Variants in AP3M2 observed in about 807,000 individuals in gnomAD.
AP3M2 encodes AP-3 complex subunit mu-2.
In AP3M2, 28 loss-of-function variants were observed where a neutral mutation model predicts 41.6. The observed-to-expected ratio is 0.67, with a 90% confidence interval of 0.50 to 0.92. The LOEUF (loss-of-function observed/expected upper bound fraction) is 0.92, where lower values mean the gene tolerates loss of function less well. Among genes scored for constraint, AP3M2 ranks in the 40% least tolerant of loss-of-function variants. The pLI is 0.00. For synonymous variants in AP3M2, 193 were observed against 186.4 expected, an observed-to-expected ratio of 1.04 and a Z score of -0.29; for missense variants, 427 against 521.4, an observed-to-expected ratio of 0.82 and a Z score of 1.76.
intron 4 of AP3M2, among the ~76,000 whole-genome samples, chr8:42,163,581 G>T (rs1221843996): frequency 6.6e-6 from 1 of 152,156 alleles, no homozygotes; most frequent in Non-Finnish European, 1.5e-5. Flanking sequence ...AAGATGTGTG[G>T]ATTTGGGAGC....
intron 5 of AP3M2, 60 bp downstream of exon 5, chr8:42,165,216 A>G: frequency 6.4e-7 from 1 of 1,552,430 alleles, no homozygotes; most frequent in Non-Finnish European, 8.9e-7. Flanking sequence ...TGCTGGAAAG[A>G]CAGAGTAGTG....
chr8:42,154,847 C>G lies in AP3M2; in HGVS notation c.160C>G (p.His54Asp). The change falls in exon 2 of 9, where the codon CAC (histidine) becomes GAC (aspartate). Residue 54 changes from histidine (H) to aspartate (D), a missense_variant. His to Asp is a moderately conservative substitution (Grantham distance 81). Transcript: ENST00000396926. ...GCCTCCGGTTATCCCTACCCCTCAC[C>G]ACTATCTCTTAAGTGTTTACCGCCA... ...NVPPVIPTPH[H>D]YLLSVYRHKI... 1 of 1,614,110 alleles carries G rather than the reference C, an allele frequency of 6.2e-7. No homozygotes were observed. Among genetic ancestry groups the G allele is most frequent in the Non-Finnish European group, 8.5e-7 (1 of 1,180,032 alleles).
rs1804679281 is a variant in AP3M2 at position 42,167,721 on chromosome 8, G to A, written c.1067G>A (p.Gly356Glu). ...CCACAAAAGCTACCAAGTTTGAAGGGGACCATGAGTCTTCAGGCTGGAGCT... is the reference window on the plus strand; with the variant it reads ...CCACAAAAGCTACCAAGTTTGAAGGAGACCATGAGTCTTCAGGCTGGAGCT... ...INPQKLPSLK[G>E]TMSLQAGASK... Residue 356 changes from glycine to glutamate, a missense_variant, in exon 8 of 9, where the codon GGG becomes GAG. By Grantham distance (98) the Gly-to-Glu change is moderately conservative. Transcript: ENST00000396926. The A allele has an allele frequency of 6.2e-7, 1 of 1,613,828 alleles. No individual in the cohort carries two copies. Among genetic ancestry groups the A allele is most frequent in the African/African-American group, 1.3e-5 (1 of 74,860 alleles).
At position 42,165,105 on chromosome 8, in the gene AP3M2, T is replaced by C. The variant is rs368506487; in HGVS notation, c.618T>C (p.Ile206=). The change falls in exon 5 of 9, where the codon ATT becomes ATC. Residue 206 remains isoleucine, a synonymous_variant. Transcript: ENST00000396926. ...STITAEIQGV[I]DACVKLTGMP... ...TTACTGCTGAGATCCAGGGGGTGAT[T>C]GATGCCTGTGTCAAGCTGACTGGCA... 1.9e-6 allele frequency: 3 copies of C among 1,613,974 alleles called. No homozygotes were observed. The highest frequency in any genetic ancestry group is 1.7e-6 in the Non-Finnish European group (2 of 1,180,018).
chr8:42,161,662 G>A (rs752811611), intron 3 of AP3M2, among the ~76,000 whole-genome samples: 3 of 151,940 alleles, frequency 2.0e-5, no homozygotes, highest in African/African-American at 4.8e-5. Flanking sequence ...ATGGAAGAAG[G>A]AAATAGAATT....
At position 42,162,299 on chromosome 8, in the gene AP3M2, A is replaced by G. The variant is rs749635016; in HGVS notation, c.464A>G (p.Asp155Gly). The part of the protein sequence containing the change: ...NTITGSTNVG[D>G]QLPTGQLSVV... ...GCCTCAGGAAGCACGAATGTGGGTGACCAGCTTCCCACTGGGCAGCTGTCA... is the reference window on the plus strand; with the variant it reads ...GCCTCAGGAAGCACGAATGTGGGTGGCCAGCTTCCCACTGGGCAGCTGTCA... The change falls in exon 4 of 9, where the codon GAC (aspartate) becomes GGC (glycine). Residue 155 changes from aspartate (D) to glycine (G), a missense_variant. This residue lies in a region of AP3M2 where 86 missense variants were observed against 142.6 expected (regional missense o/e 0.60). Transcript: ENST00000396926. 1.9e-6 allele frequency: 3 copies of G among 1,612,134 alleles called. No individual in the cohort carries two copies. The East Asian group carries it at 6.7e-5, about 36-fold the overall frequency.
At chr8:42,168,500 A>G (rs1423535504) in intron 8 of AP3M2, among the ~76,000 whole-genome samples, 3 of 152,350 alleles carry the variant, frequency 2.0e-5, no homozygotes, top group African/African-American at 7.2e-5. Flanking sequence ...CAATCTTAAA[A>G]CAATAAACTA....
chr8:42,170,405 A>G lies in AP3M2; in HGVS notation c.*1344A>G, dbSNP rs1221372774. The stretch of plus-strand genomic sequence containing the variant: ...ACCCAGTTTAAGAAACATGGCAACT[A>G]AAGGGATACCTCAGGCTTTCTTTCC... On this transcript the variant is annotated 3_prime_UTR_variant, in exon 9 of 9. Transcript: ENST00000396926. 1 of 152,192 alleles carries G rather than the reference A, an allele frequency of 6.6e-6. No homozygotes were observed. Among genetic ancestry groups the G allele is most frequent in the African/African-American group, 2.4e-5 (1 of 41,438 alleles). The allele number at this position is 152,192 out of a possible 1,614,324, so 9.4% of individuals were successfully genotyped here.
chr8:42,155,153 A>G (rs1288604101), intron 2 of AP3M2, among the ~76,000 whole-genome samples, 193 bp downstream of exon 2: 1 of 152,214 alleles, frequency 6.6e-6, no homozygotes, highest in Non-Finnish European at 1.5e-5. Context: ...GACAAATGGA[A>G]TACTTTTGAA....
chr8:42,154,733 C>T lies in AP3M2; in HGVS notation c.46C>T (p.Leu16=), dbSNP rs1395267367. 1 of 1,614,166 alleles carries T rather than the reference C, an allele frequency of 6.2e-7. No homozygotes were observed. The highest frequency in any genetic ancestry group is 8.5e-7 in the Non-Finnish European group (1 of 1,180,044). The change falls in exon 2 of 9, where the codon CTG becomes TTG. Residue 16 remains leucine (L), a synonymous_variant. Transcript: ENST00000396926. ...FLINSSGDIF[L]EKHWKSVVSR... is the part of the protein sequence containing the mutation. ...GATCAACTCCTCTGGAGACATTTTC[C>T]TGGAGAAACATTGGAAAAGTGTGGT...
At chr8:42,167,645 C>T (rs1210514607) in intron 7 of AP3M2, 21 bp from the exon 8 acceptor site, 6 of 1,596,692 alleles carry the variant, frequency 3.8e-6, no homozygotes, top group Admixed American at 1.8e-5. Context: ...GACCACTTCT[C>T]CATTTTTATT....
At chr8:42,166,111 G>A (rs1319462011) in intron 6 of AP3M2, among the ~76,000 whole-genome samples, 2 of 152,186 alleles carry the variant, frequency 1.3e-5, no homozygotes, top group Non-Finnish European at 2.9e-5. Flanking sequence ...AATCATTTGG[G>A]AAAATATCTG....
chr8:42,153,787 C>T (rs1157230442), intron 1 of AP3M2: 3 of 152,086 alleles, frequency 2.0e-5, no homozygotes. Context: ...AGGCGGGAGC[C>T]CCAAGGGATC....
In AP3M2 at chr8:42,169,094, A is replaced by G. The variant is rs767247450; in HGVS notation, c.*33A>G. The G allele has an allele frequency of 7.2e-6, 11 of 1,534,448 alleles. No individual in the cohort carries two copies. Among genetic ancestry groups the G allele is most frequent in the Non-Finnish European group, 9.8e-6 (11 of 1,121,434 alleles). On this transcript the variant is annotated 3_prime_UTR_variant, in exon 9 of 9. Coordinates refer to ENST00000396926, the MANE Select transcript of AP3M2 (RefSeq NM_006803.4). Reference sequence around the variant, plus strand: ...ATTTGCTGAGGGAATAGTCTTGCACATTTTTTCATTTCTTACTTGTCTAAA... The same window carrying G: ...ATTTGCTGAGGGAATAGTCTTGCACGTTTTTTCATTTCTTACTTGTCTAAA...
chr8:42,165,409 C>T lies in AP3M2; in HGVS notation c.670-18C>T. 1 of 1,611,966 alleles carries T rather than the reference C, an allele frequency of 6.2e-7. No individual in the cohort carries two copies. The highest frequency in any genetic ancestry group is 2.2e-5 in the East Asian group (1 of 44,866). ...GTTTAATGCCCACTTCTTGCTTCTC[C>T]TCTCCTGATGACTGTAGAACCCTAG... On this transcript the variant is annotated intron_variant, in intron 5 of 8. Transcript: ENST00000396926.
At chr8:42,160,990 G>T (rs1343173563) in intron 3 of AP3M2, among the ~76,000 whole-genome samples, 1 of 152,144 alleles carries the variant, frequency 6.6e-6, no homozygotes, top group African/African-American at 2.4e-5. Flanking sequence ...CTAGAAAAGG[G>T]TATCTAAGAA....
intron 4 of AP3M2, among the ~76,000 whole-genome samples, chr8:42,162,745 G>C (rs1804539028): frequency 6.6e-6 from 1 of 151,950 alleles, no homozygotes; most frequent in South Asian, 2.1e-4. Flanking sequence ...AGGAGTTTAA[G>C]ACCAGCCTGA....
At chr8:42,155,871 G>A (rs1046704608) in intron 2 of AP3M2, 7 of 389,426 alleles carry the variant, frequency 1.8e-5, no homozygotes, top group Non-Finnish European at 2.6e-5. Flanking sequence ...TAAAAAGCAA[G>A]TCAAAGAGTT....
intron 2 of AP3M2, chr8:42,155,948 A>G (rs1288431912): frequency 2.2e-6 from 1 of 455,138 alleles, no homozygotes; most frequent in South Asian, 1.6e-5. Flanking sequence ...ATTAAAATAC[A>G]TTTTTTGTTT....
Sources: gnomAD v4.1 joint callset for allele counts (sites outside exome capture counted in the v4.1 genomes callset) on GRCh38, gnomAD v4.1.1 for gene constraint, gnomAD v4.1.1 regional missense constraint, MANE v1.5 for transcripts, NCBI Gene and HGNC (gene_info 2026-07-23, HGNC 2026-07-21) for gene names.